SUMF1: variants seen among roughly 807,000 people sequenced by gnomAD.
SUMF1 encodes the protein sulfatase modifying factor 1, also known as formylglycine-generating enzyme.
In SUMF1, 48 loss-of-function variants were observed where a neutral mutation model predicts 47.6. That is an observed-to-expected ratio of 1.01 (90% CI 0.80 to 1.28). The LOEUF (loss-of-function observed/expected upper bound fraction) is 1.28. Ranked by LOEUF, SUMF1 falls within the 50% of genes most tolerant of loss-of-function variation. The pLI, the probability that SUMF1 is intolerant of heterozygous loss-of-function variation, is 0.00. For synonymous variants in SUMF1, 230 were observed against 192.1 expected, an observed-to-expected ratio of 1.20 and a Z score of -1.63; for missense variants, 571 against 485.4, an observed-to-expected ratio of 1.18 and a Z score of -1.66.
chr3:4,063,235 A>G lies in SUMF1; in HGVS notation c.1191+5334T>C, dbSNP rs546407990. On this transcript the variant is annotated intron_variant and NMD_transcript_variant, in intron 9 of 12. Coordinates refer to the SUMF1 transcript ENST00000448413. ...ATGCCCACACATCAACTGCCTAACA[A>G]CAGGAGCTATCAGGCAGATTTACAA... Among the ~76,000 whole-genome samples the G allele has an allele frequency of 1.5e-3, 224 of 152,184 alleles. 1 individual carries two copies. The highest frequency in any genetic ancestry group is 5.1e-3 in the African/African-American group (210 of 41,536).
At position 4,039,209 on chromosome 3, in the gene SUMF1, ATTTTTTT is replaced by A. The variant is rs775459424; in HGVS notation, c.1191+29353_1191+29359del. Among the ~76,000 whole-genome samples the A allele has an allele frequency of 4.0e-3, 157 of 39,506 alleles. 2 individuals carry two copies. The highest frequency in any genetic ancestry group is 6.4e-3 in the Non-Finnish European group (131 of 20,540). 25.9% of individuals were successfully genotyped at this position (39,506 alleles called of 152,430 possible). On this transcript the variant is annotated intron_variant and NMD_transcript_variant, in intron 9 of 12. Transcript: ENST00000448413. ...AAGCATGCCTGAAACATCTATGCAA[ATTTTTTT>A]TTTTTTTTTTTTTTTTTTATTATAC...
chr3:4,111,847 T>C (rs1029329193), intron 8 of SUMF1, among the ~76,000 whole-genome samples: 1 of 152,058 alleles, frequency 6.6e-6, no homozygotes, highest in Non-Finnish European at 1.5e-5. Context: ...GCAAAAAAAA[T>C]TTGAAGTGCA....
intron 8 of SUMF1, among the ~76,000 whole-genome samples, chr3:4,121,353 T>C (rs76425956): frequency 0.03 from 4,551 of 152,282 alleles, 240 homozygotes; most frequent in African/African-American, 0.1. Context: ...ATCTTTACTA[T>C]GTACTAGGTT....
chr3:4,325,670 G>C (rs985039699), intron 8 of SUMF1, among the ~76,000 whole-genome samples: 1 of 151,736 alleles, frequency 6.6e-6, no homozygotes, highest in African/African-American at 2.4e-5. Flanking sequence ...TGAATTTTAA[G>C]GTGTCTAAGT....
chr3:4,401,850 C>T (rs1005849527), intron 7 of SUMF1, among the ~76,000 whole-genome samples: 5 of 152,130 alleles, frequency 3.3e-5, no homozygotes, highest in Admixed American at 1.3e-4. Context: ...ATATGGCTCT[C>T]CCTTCCCAGG....
intron 8 of SUMF1, among the ~76,000 whole-genome samples, chr3:4,364,410 T>G (rs199928029): frequency 0.48 from 50,643 of 105,506 alleles, 10,179 homozygotes; most frequent in East Asian, 0.6. Flanking sequence ...GAGCCTGTTA[T>G]TGGTCTATTC....
Position 4,147,377 on chromosome 3 carries a change from G to A in SUMF1, c.1015-78632C>T, listed in dbSNP as rs1278790462. Among the ~76,000 whole-genome samples, 3 of 152,076 alleles carry A rather than the reference G, an allele frequency of 2.0e-5. 1 individual carries two copies. The highest frequency in any genetic ancestry group is 4.8e-5 in the African/African-American group (2 of 41,388). Reference sequence around the variant, plus strand: ...AGACACATGCACACGTATGTTTATTGTGGCACTATTCACAATAGCAAAGAC... The same window carrying A: ...AGACACATGCACACGTATGTTTATTATGGCACTATTCACAATAGCAAAGAC... On this transcript the variant is annotated intron_variant and NMD_transcript_variant, in intron 8 of 12. Transcript: ENST00000448413.
At chr3:4,245,023 T>C (rs988558275) in intron 8 of SUMF1, among the ~76,000 whole-genome samples, 30 of 152,044 alleles carry the variant, frequency 2.0e-4, no homozygotes, top group African/African-American at 7.2e-4. Context: ...TTCCGCTTGA[T>C]GGTGTTGGCT....
rs1372212341 is a variant in SUMF1 at position 4,034,918 on chromosome 3, A to G, written c.1191+33651T>C. 2.0e-5 allele frequency among the ~76,000 whole-genome samples: 3 copies of G among 151,762 alleles called. No homozygotes were observed. In the East Asian group the frequency reaches 5.9e-4, roughly 30 times the overall value. On this transcript the variant is annotated intron_variant and NMD_transcript_variant, in intron 9 of 12. Coordinates refer to the SUMF1 transcript ENST00000448413. ...CAATGAGATCAGCAGATTACGGTGTAAGATTGGGGAATAGTAAGTTGGTTC... is the reference window on the plus strand; with the variant it reads ...CAATGAGATCAGCAGATTACGGTGTGAGATTGGGGAATAGTAAGTTGGTTC...
At chr3:4,396,372 T>A (rs1575171978) in intron 7 of SUMF1, among the ~76,000 whole-genome samples, 1 of 152,296 alleles carries the variant, frequency 6.6e-6, no homozygotes, top group African/African-American at 2.4e-5. Context: ...CAATAAAAAG[T>A]CTTACAAGAG....
intron 8 of SUMF1, among the ~76,000 whole-genome samples, chr3:4,182,719 G>A (rs2125135020): frequency 6.6e-6 from 1 of 152,182 alleles, no homozygotes; most frequent in South Asian, 2.1e-4. Flanking sequence ...GATCTTATTG[G>A]ACTTCAGGTA....
At chr3:4,422,265 C>G (rs929825988) in intron 3 of SUMF1, among the ~76,000 whole-genome samples, 4 of 152,142 alleles carry the variant, frequency 2.6e-5, no homozygotes, top group Non-Finnish European at 5.9e-5. Context: ...GCAGTGAAAG[C>G]TCAGGTCAGC....
intron 8 of SUMF1, among the ~76,000 whole-genome samples, chr3:4,161,001 A>G (rs1694563700): frequency 6.6e-6 from 1 of 152,086 alleles, no homozygotes; most frequent in South Asian, 2.1e-4. Flanking sequence ...GAAATTGGGT[A>G]TTGTGATCTA....
chr3:4,288,917 T>C (rs2125052832), intron 8 of SUMF1, among the ~76,000 whole-genome samples: 1 of 152,312 alleles, frequency 6.6e-6, no homozygotes, highest in South Asian at 2.1e-4. Context: ...TAAACTTCCT[T>C]ATTATTTACT....
chr3:4,407,631 G>A (rs188305944), intron 7 of SUMF1, among the ~76,000 whole-genome samples: 144 of 152,272 alleles, frequency 9.5e-4, no homozygotes, highest in African/African-American at 3.3e-3. Flanking sequence ...GTCCATTAGG[G>A]AAGAAAAGCA....
At chr3:4,224,659 G>A (rs1696136289) in intron 8 of SUMF1, among the ~76,000 whole-genome samples, 1 of 152,002 alleles carries the variant, frequency 6.6e-6, no homozygotes, top group African/African-American at 2.4e-5. Context: ...CTAGGCATAG[G>A]ATGAGTCTAG....
downstream of SUMF1, among the ~76,000 whole-genome samples, chr3:4,356,563 G>A (rs1479840139): frequency 6.7e-6 from 1 of 148,982 alleles, no homozygotes. Flanking sequence ...TCACTCTTCA[G>A]AAATAAATAC....
At chr3:4,458,613 T>C (rs888121812) in intron 1 of SUMF1, among the ~76,000 whole-genome samples, 4 of 152,322 alleles carry the variant, frequency 2.6e-5, no homozygotes, top group Non-Finnish European at 5.9e-5. Flanking sequence ...CCCAGCACTT[T>C]GGGAGGCCGA....
At chr3:4,422,710 G>A (rs1701941236) in intron 3 of SUMF1, among the ~76,000 whole-genome samples, 1 of 151,958 alleles carries the variant, frequency 6.6e-6, no homozygotes, top group Non-Finnish European at 1.5e-5. Context: ...TTTAGTAGAG[G>A]CAAACACAAG....
Sources: gnomAD v4.1 joint callset for allele counts (sites outside exome capture counted in the v4.1 genomes callset) on GRCh38, gnomAD v4.1.1 for gene constraint, MANE v1.5 for transcripts, NCBI Gene and HGNC (gene_info 2026-07-23, HGNC 2026-07-21) for gene names.